The following GPHN variants were observed in gnomAD, a reference collection of about 807,000 sequenced individuals.
GPHN encodes gephyrin.
A neutral mutation model predicts 95.5 loss-of-function variants in GPHN; 17 were observed. The observed-to-expected ratio is 0.18, with a 90% confidence interval of 0.12 to 0.27. GPHN has a LOEUF of 0.27. Ranked by LOEUF, GPHN falls within the 10% of genes least tolerant of loss-of-function variation. GPHN has a pLI of 1.00. For missense variants in GPHN, 660 were observed against 978.1 expected, an observed-to-expected ratio of 0.67 and a Z score of 4.34; for synonymous variants, 320 against 322.5, an observed-to-expected ratio of 0.99 and a Z score of 0.08.
At chr14:67,587,190 C>A in the GPHN span, 2 of 1,613,894 alleles carry the variant, frequency 1.2e-6, no homozygotes. Flanking sequence ...GACGACAGTT[C>A]TTTTCTTCTG....
the GPHN span, among the ~76,000 whole-genome samples, chr14:67,310,783 A>C: frequency 5.3e-5 from 8 of 152,332 alleles, no homozygotes; most frequent in Admixed American, 5.2e-4. Context: ...GAAATTAAAA[A>C]ATATTCTTTA....
At chr14:67,346,040 G>A in the GPHN span, among the ~76,000 whole-genome samples, 3 of 152,180 alleles carry the variant, frequency 2.0e-5, no homozygotes, top group African/African-American at 4.8e-5. Context: ...CACTATAGGA[G>A]CATGCTACTA....
At chr14:66,518,964 G>A (rs917095178) in intron 1 of GPHN, among the ~76,000 whole-genome samples, 1 of 151,908 alleles carries the variant, frequency 6.6e-6, no homozygotes, top group African/African-American at 2.4e-5. Context: ...GTTTCAAATA[G>A]CTAGAAGGAG....
the GPHN span, chr14:67,559,702 AACTCAT>A: frequency 4.4e-6 from 7 of 1,583,838 alleles, no homozygotes; most frequent in South Asian, 8.0e-5. Flanking sequence ...GTGGGTTGGA[AACTCAT>A]CTTGGAGGCC....
chr14:66,539,409 C>G, intron 1 of GPHN, among the ~76,000 whole-genome samples: 1 of 101,816 alleles, frequency 9.8e-6, no homozygotes, highest in South Asian at 3.5e-4. Flanking sequence ...TTTCTACTTT[C>G]TTTTTTTTTT....
rs150896214 is a variant in GPHN at position 66,587,310 on chromosome 14, G to T, written c.64+78719G>T. ...CTGAACTTTACAAACATTTAAAGAA[G>T]AAGTAATACCAATGCTTCTGAAATT... is the stretch of plus-strand genomic sequence containing the variant. On this transcript the variant is annotated intron_variant, in intron 1 of 22. Coordinates refer to ENST00000478722, the MANE Select transcript of GPHN (RefSeq NM_020806.5). 2.5e-4 allele frequency among the ~76,000 whole-genome samples: 38 copies of T among 152,316 alleles called. No individual in the cohort carries two copies. In the East Asian group the frequency reaches 5.6e-3, roughly 22 times the overall value.
chr14:67,286,871 A>AAG, the GPHN span, among the ~76,000 whole-genome samples: 1 of 151,068 alleles, frequency 6.6e-6, no homozygotes, highest in African/African-American at 2.4e-5. Flanking sequence ...AAAAAAAAAA[A>AAG]AAAGAAAAAA....
the GPHN span, among the ~76,000 whole-genome samples, chr14:67,525,830 C>G: frequency 6.6e-6 from 1 of 152,194 alleles, no homozygotes; most frequent in Admixed American, 6.5e-5. Flanking sequence ...TTCCAGAGAT[C>G]CTGGATTCAC....
chr14:67,583,952 C>A, the GPHN span: 1 of 1,612,468 alleles, frequency 6.2e-7, no homozygotes, highest in South Asian at 1.1e-5. Context: ...GAAGACACGT[C>A]GGCACTTCAT....
chr14:67,448,178 AC>A, the GPHN span, among the ~76,000 whole-genome samples: 1 of 104,752 alleles, frequency 9.5e-6, no homozygotes, highest in African/African-American at 3.9e-5. Context: ...TTGCTCTGTC[AC>A]CCAGGCTGGA....
the GPHN span, among the ~76,000 whole-genome samples, chr14:67,332,237 G>GATAA: frequency 6.6e-6 from 1 of 152,068 alleles, no homozygotes; most frequent in South Asian, 2.1e-4. Context: ...TTTGTAAAAT[G>GATAA]GCCCTTTCCT....
At chr14:66,926,483 C>G (rs530186484) in intron 8 of GPHN, among the ~76,000 whole-genome samples, 3 of 152,130 alleles carry the variant, frequency 2.0e-5, no homozygotes, top group Non-Finnish European at 4.4e-5. Flanking sequence ...ATCCAGTTTT[C>G]CCAGCACCAT....
intron 4 of GPHN, among the ~76,000 whole-genome samples, chr14:66,849,357 A>G (rs2062481165): frequency 6.6e-6 from 1 of 152,046 alleles, no homozygotes; most frequent in African/African-American, 2.4e-5. Flanking sequence ...TTCTCTTTGT[A>G]TAAATTGTTA....
At chr14:67,712,172 G>A in the GPHN span, among the ~76,000 whole-genome samples, 35 of 152,104 alleles carry the variant, frequency 2.3e-4, no homozygotes, top group African/African-American at 8.2e-4. Context: ...CACACACCTT[G>A]ACCTCCCAAA....
intron 1 of GPHN, among the ~76,000 whole-genome samples, chr14:66,643,716 T>A (rs1254318918): frequency 6.6e-6 from 1 of 151,328 alleles, no homozygotes. Context: ...CCTTCTGTTG[T>A]GGGTAGAGCA....
intron 5 of GPHN, among the ~76,000 whole-genome samples, chr14:66,884,808 ATGTGTG>A (rs1358860815): frequency 7.2e-6 from 1 of 139,014 alleles, no homozygotes; most frequent in East Asian, 2.0e-4. Context: ...GTGTGTGTGT[ATGTGTG>A]TGTGTATATA....
the GPHN span, chr14:67,724,463 T>C: frequency 6.3e-7 from 1 of 1,580,422 alleles, no homozygotes. Context: ...CTTGTTTCCC[T>C]TGCCGATAGG....
intron 5 of GPHN, among the ~76,000 whole-genome samples, chr14:66,888,636 T>A (rs1227507419): frequency 1.3e-5 from 2 of 151,766 alleles, no homozygotes; most frequent in Non-Finnish European, 2.9e-5. Context: ...CTAAAAAAAA[T>A]TAAGAACAAA....
chr14:67,314,023 C>G, the GPHN span, among the ~76,000 whole-genome samples: 1 of 151,456 alleles, frequency 6.6e-6, no homozygotes, highest in African/African-American at 2.4e-5. Flanking sequence ...CTGAATTAGA[C>G]CTTTCAATGC....
Sources: allele counts gnomAD v4.1 joint callset (sites outside exome capture counted in the v4.1 genomes callset), GRCh38; gene constraint gnomAD v4.1.1; transcripts MANE v1.5; gene names NCBI Gene and HGNC (gene_info 2026-07-23, HGNC 2026-07-21).